FAAP20: variants seen among roughly 807,000 people sequenced by gnomAD.
FAAP20 encodes Fanconi anemia core complex-associated protein 20.
Under a neutral mutation model 16.2 loss-of-function variants are expected in FAAP20, and 12 were observed. The ratio of observed to expected loss-of-function variants is 0.74; its 90% CI spans 0.48 to 1.20. The LOEUF (loss-of-function observed/expected upper bound fraction) is 1.20, where lower values mean the gene tolerates loss of function less well. Among genes scored for constraint, FAAP20 ranks in the 50% most tolerant of loss-of-function variants. FAAP20 has a pLI of 0.00. For missense variants in FAAP20, 288 were observed against 245.8 expected (o/e 1.17, Z -1.15); for synonymous variants, 141 against 110.7 (o/e 1.27, Z -1.72).
downstream of FAAP20, among the ~76,000 whole-genome samples, chr1:2,189,019 A>AAG (rs966550827): frequency 6.9e-6 from 1 of 145,188 alleles, no homozygotes; most frequent in African/African-American, 2.6e-5. Flanking sequence ...AAGAAAAAAA[A>AAG]AAAAAAAAAC....
rs370416040 is a variant in FAAP20, at chr1:2,189,659, G to C, written c.*50C>G. ...AGCCGAGAGGCGGGGCTGCTGGCGGGGGAGAGCGTGTCCGGGCGCCGCACT... is the reference window on the plus strand; with the variant it reads ...AGCCGAGAGGCGGGGCTGCTGGCGGCGGAGAGCGTGTCCGGGCGCCGCACT... On this transcript the variant is annotated 3_prime_UTR_variant, in exon 4 of 4. Transcript: ENST00000378546. 1 of 1,507,176 alleles carries C rather than the reference G, an allele frequency of 6.6e-7. No individual in the cohort carries two copies. 93.4% of individuals were successfully genotyped at this position (1,507,176 alleles called of 1,614,324 possible). A position where few individuals can be genotyped will look rare whatever the true frequency, so the allele number is the denominator to read the frequency against.
downstream of FAAP20, among the ~76,000 whole-genome samples, chr1:2,187,436 C>G (rs1687729248): frequency 6.6e-6 from 1 of 152,062 alleles, no homozygotes; most frequent in Non-Finnish European, 1.5e-5. Context: ...TCCCCAGTAG[C>G]TGGGATTACA....
downstream of FAAP20, chr1:2,184,663 C>T: frequency 6.2e-7 from 1 of 1,614,002 alleles, no homozygotes; most frequent in Non-Finnish European, 8.5e-7. Context: ...ACACACAGTT[C>T]ACCAGCGAGC....
downstream of FAAP20, among the ~76,000 whole-genome samples, chr1:2,208,222 G>T (rs569931020): frequency 1.1e-3 from 175 of 152,198 alleles, no homozygotes; most frequent in Non-Finnish European, 2.1e-3. Flanking sequence ...GGAGCCCGGG[G>T]CCTTGGCTGC....
At chr1:2,187,774 C>A (rs909753366), downstream of FAAP20, among the ~76,000 whole-genome samples, 5 of 152,220 alleles carry the variant, frequency 3.3e-5, no homozygotes, top group African/African-American at 1.2e-4. Context: ...CTTGTCGTCG[C>A]CCCACGCCCA....
Position 2,194,678 on chromosome 1 carries a change from C to T in FAAP20, c.62+10G>A, listed in dbSNP as rs1343277982. 1 of 1,151,750 alleles carries T rather than the reference C, an allele frequency of 8.7e-7. No individual in the cohort carries two copies. The allele number at this position is 1,151,750 out of a possible 1,614,324, so 71.3% of individuals were successfully genotyped here. Reference sequence around the variant, plus strand: ...AACCGGCCGCGCCCCCGCCCGGCTCCCGGCCTCACCCGCCCGCCGGGCGCG... The same window carrying T: ...AACCGGCCGCGCCCCCGCCCGGCTCTCGGCCTCACCCGCCCGCCGGGCGCG... On this transcript the variant is annotated intron_variant, in intron 1 of 3. Transcript: ENST00000378546.
downstream of FAAP20, chr1:2,186,064 G>A: frequency 2.2e-6 from 1 of 454,054 alleles, no homozygotes; most frequent in Non-Finnish European, 4.4e-6. Context: ...GCTGCCAGCT[G>A]CCAGGTGTCA....
upstream of FAAP20, chr1:2,194,832 A>G (rs1688729439): frequency 1.0e-6 from 1 of 956,366 alleles, no homozygotes; most frequent in African/African-American, 2.0e-5. Context: ...CCGCCTCCAG[A>G]CCTCTGCAGC....
At chr1:2,205,750 G>A (rs1275841674) in intron 3 of FAAP20, among the ~76,000 whole-genome samples, 1 of 152,244 alleles carries the variant, frequency 6.6e-6, no homozygotes, top group African/African-American at 2.4e-5. Context: ...GCGCGCCCGG[G>A]GACTGGAAGG....
Position 2,189,635 on chromosome 1 carries a change from G to A in FAAP20, c.*74C>T. On this transcript the variant is annotated 3_prime_UTR_variant, in exon 4 of 4. Transcript: ENST00000378546. Reference sequence around the variant, plus strand: ...GAGAGGCGGGGCTGCTGGCGGGGGAGCCGAGAGGCGGGGCTGCTGGCGGGG... The same window carrying A: ...GAGAGGCGGGGCTGCTGGCGGGGGAACCGAGAGGCGGGGCTGCTGGCGGGG... 1 of 1,268,744 alleles carries A rather than the reference G, an allele frequency of 7.9e-7. No homozygotes were observed. The highest frequency in any genetic ancestry group is 1.2e-5 in the South Asian group (1 of 82,312). 78.6% of individuals were successfully genotyped at this position (1,268,744 alleles called of 1,614,324 possible).
At chr1:2,198,457 C>T (rs556327380), upstream of FAAP20, 3 of 397,730 alleles carry the variant, frequency 7.5e-6, no homozygotes, top group South Asian at 6.6e-5. Context: ...AGCCAGGCCT[C>T]TCCAACTCCT....
At chr1:2,209,062 A>T (rs955239182), downstream of FAAP20, among the ~76,000 whole-genome samples, 3 of 152,126 alleles carry the variant, frequency 2.0e-5, no homozygotes, top group Non-Finnish European at 2.9e-5. Flanking sequence ...AGAGCCCCCC[A>T]GGCCGGGTTC....
At chr1:2,188,390 C>T (rs1039254354), downstream of FAAP20, among the ~76,000 whole-genome samples, 2 of 152,194 alleles carry the variant, frequency 1.3e-5, no homozygotes, top group Non-Finnish European at 2.9e-5. Flanking sequence ...CCTGGAGCCC[C>T]CGGAGAGTCT....
intron 1 of FAAP20, 151 bp downstream of exon 1, chr1:2,194,537 C>T: frequency 5.8e-6 from 1 of 171,074 alleles, no homozygotes. Context: ...CGCTGAATGG[C>T]GGCGCGGGGT....
intron 1 of FAAP20, among the ~76,000 whole-genome samples, chr1:2,206,920 C>T (rs1195126496): frequency 6.6e-6 from 1 of 152,044 alleles, no homozygotes; most frequent in Non-Finnish European, 1.5e-5. Context: ...CCCCATGCAG[C>T]CAGCTTCTTC....
upstream of FAAP20, chr1:2,198,945 G>A (rs758406130): frequency 1.5e-4 from 190 of 1,289,482 alleles, no homozygotes; most frequent in African/African-American, 2.0e-4. Context: ...GGGAAACATC[G>A]CCAGATCTTT....
upstream of FAAP20, chr1:2,197,895 C>G (rs1297961417): frequency 2.6e-6 from 3 of 1,136,184 alleles, no homozygotes; most frequent in East Asian, 1.8e-4. Flanking sequence ...ACCCCCAATC[C>G]CCTCCCGCCT....
At chr1:2,198,065 G>GT (rs1557788007), upstream of FAAP20, 5 of 1,291,524 alleles carry the variant, frequency 3.9e-6, no homozygotes, top group Non-Finnish European at 5.1e-6. Context: ...GATGGTGATG[G>GT]TGGAGGTTTC....
chr1:2,194,621 C>CG, intron 1 of FAAP20, 67 bp downstream of exon 1: 3 of 843,782 alleles, frequency 3.6e-6, no homozygotes, highest in Non-Finnish European at 2.9e-6. Flanking sequence ...GGGAGGCCCG[C>CG]GGGGGCGCCG....
Sources: allele counts gnomAD v4.1 joint callset (sites outside exome capture counted in the v4.1 genomes callset), GRCh38; gene constraint gnomAD v4.1.1; transcripts MANE v1.5; gene names NCBI Gene and HGNC (gene_info 2026-07-23, HGNC 2026-07-21).